The following RAP1GAP2 variants were observed in gnomAD, a reference collection of about 807,000 sequenced individuals.
RAP1GAP2 encodes the protein RAP1 GTPase activating protein 2.
Under a neutral mutation model 95.0 loss-of-function variants are expected in RAP1GAP2, and 27 were observed. That is an observed-to-expected ratio of 0.28 (90% CI 0.21 to 0.39). The LOEUF (loss-of-function observed/expected upper bound fraction) is 0.39, where lower values mean the gene tolerates loss of function less well. RAP1GAP2 is among the 10% of genes least tolerant of loss of function. RAP1GAP2 has a pLI of 1.00. For missense variants in RAP1GAP2, 771 were observed against 970.0 expected (o/e 0.79, Z 2.72); for synonymous variants, 373 against 380.9 (o/e 0.98, Z 0.24).
chr17:2,944,920 C>G (rs1320182544), intron 3 of RAP1GAP2, among the ~76,000 whole-genome samples: 1 of 152,086 alleles, frequency 6.6e-6, no homozygotes, highest in Non-Finnish European at 1.5e-5. Flanking sequence ...TCTTGCTCTG[C>G]CACCCAGGCT....
At chr17:2,788,223 T>C (rs933702857) in intron 1 of RAP1GAP2, among the ~76,000 whole-genome samples, 3 of 152,154 alleles carry the variant, frequency 2.0e-5, no homozygotes, top group Non-Finnish European at 4.4e-5. Context: ...CATATGTATA[T>C]AGGGGTGTGT....
rs551440704 is a variant in RAP1GAP2, at chr17:2,865,552, T to C, written c.81-39732T>C. Among the ~76,000 whole-genome samples, 5 of 152,294 alleles carry C rather than the reference T, an allele frequency of 3.3e-5. No individual in the cohort carries two copies. The South Asian group carries it at 8.3e-4, about 25-fold the overall frequency. ...GTTACCTGTGCCATCTGTATTTTAATAGAACGTCTATTTTAATAAGATCTT... is the reference window on the plus strand; with the variant it reads ...GTTACCTGTGCCATCTGTATTTTAACAGAACGTCTATTTTAATAAGATCTT... On this transcript the variant is annotated intron_variant, in intron 2 of 24. Coordinates refer to ENST00000254695, the MANE Select transcript of RAP1GAP2 (RefSeq NM_015085.5).
chr17:2,933,254 G>A (rs2043212362), intron 3 of RAP1GAP2, among the ~76,000 whole-genome samples: 1 of 152,332 alleles, frequency 6.6e-6, no homozygotes, highest in South Asian at 2.1e-4. Flanking sequence ...GGGGCCAGCT[G>A]TGCCTCTTGA....
intron 2 of RAP1GAP2, among the ~76,000 whole-genome samples, chr17:2,833,769 C>G (rs1422038025): frequency 6.6e-6 from 1 of 151,164 alleles, no homozygotes; most frequent in African/African-American, 2.4e-5. Context: ...AAGTGTTTCT[C>G]TAGACTTGAG....
chr17:2,901,663 G>A (rs1044868295), intron 2 of RAP1GAP2, among the ~76,000 whole-genome samples: 2 of 151,796 alleles, frequency 1.3e-5, no homozygotes, highest in African/African-American at 4.8e-5. Context: ...TCACCTCCTC[G>A]TGTGTGATAT....
chr17:3,032,959 C>T (rs546632714), intron 24 of RAP1GAP2: 25 of 166,652 alleles, frequency 1.5e-4, no homozygotes, highest in African/African-American at 5.0e-4. Flanking sequence ...GGGTCCAGCT[C>T]GCCCCCATCA....
upstream of RAP1GAP2, among the ~76,000 whole-genome samples, chr17:2,792,755 G>A (rs187447951): frequency 5.5e-3 from 844 of 152,358 alleles, 3 homozygotes; most frequent in African/African-American, 0.019. Flanking sequence ...CACACCCCCC[G>A]GTGGGGGAAA....
chr17:2,847,598 C>T (rs945740393), intron 2 of RAP1GAP2, among the ~76,000 whole-genome samples: 6 of 152,176 alleles, frequency 3.9e-5, no homozygotes, highest in Admixed American at 6.5e-5. Context: ...TGCTGGTTCT[C>T]GCTTTGAAAG....
intron 2 of RAP1GAP2, among the ~76,000 whole-genome samples, chr17:2,863,809 C>T (rs140595846): frequency 1.9e-4 from 29 of 152,248 alleles, no homozygotes; most frequent in South Asian, 8.3e-4. Flanking sequence ...GTAATCCCAG[C>T]GCCTTGGGAG....
intron 3 of RAP1GAP2, among the ~76,000 whole-genome samples, chr17:2,924,019 T>G (rs1386604452): frequency 6.6e-6 from 1 of 152,248 alleles, no homozygotes; most frequent in African/African-American, 2.4e-5. Context: ...GTTTCCTCTC[T>G]GTAAGAGATA....
At chr17:2,977,123 C>CAA (rs71377561) in intron 8 of RAP1GAP2, among the ~76,000 whole-genome samples, 7 of 77,634 alleles carry the variant, frequency 9.0e-5, no homozygotes, top group African/African-American at 1.5e-4. Context: ...AACTCCATCT[C>CAA]AAAAAAAAAA....
chr17:2,860,797 G>C (rs1375100087), intron 2 of RAP1GAP2, among the ~76,000 whole-genome samples: 6 of 151,508 alleles, frequency 4.0e-5, no homozygotes, highest in Non-Finnish European at 7.4e-5. Flanking sequence ...GTAGAGATGG[G>C]GTTTCACCAT....
intron 14 of RAP1GAP2, among the ~76,000 whole-genome samples, chr17:3,000,161 C>A (rs1421395282): frequency 6.6e-6 from 1 of 152,188 alleles, no homozygotes; most frequent in African/African-American, 2.4e-5. Context: ...GTTGGCCAGG[C>A]TGGTCTCGAA....
chr17:2,934,080 C>T (rs2043233908), intron 3 of RAP1GAP2, among the ~76,000 whole-genome samples: 1 of 152,264 alleles, frequency 6.6e-6, no homozygotes, highest in African/African-American at 2.4e-5. Context: ...GTCATCCATG[C>T]CTCATCTTTA....
At chr17:2,840,817 G>A (rs1319575505) in intron 2 of RAP1GAP2, among the ~76,000 whole-genome samples, 2 of 152,068 alleles carry the variant, frequency 1.3e-5, no homozygotes, top group Non-Finnish European at 2.9e-5. Context: ...GGCCAATATG[G>A]TGACACCCTG....
At chr17:3,028,842 C>T (rs2151668052) in intron 22 of RAP1GAP2, among the ~76,000 whole-genome samples, 1 of 152,264 alleles carries the variant, frequency 6.6e-6, no homozygotes, top group Admixed American at 6.5e-5. Flanking sequence ...ACTCTGCCAC[C>T]CAGGCTGGAG....
intron 3 of RAP1GAP2, among the ~76,000 whole-genome samples, chr17:2,956,860 A>G (rs931926834): frequency 7.9e-5 from 12 of 152,138 alleles, no homozygotes; most frequent in African/African-American, 1.7e-4. Context: ...TGGGCGTGGT[A>G]GCTCACGCCT....
At chr17:2,930,009 G>T (rs2043091356) in intron 3 of RAP1GAP2, among the ~76,000 whole-genome samples, 1 of 152,208 alleles carries the variant, frequency 6.6e-6, no homozygotes, top group African/African-American at 2.4e-5. Flanking sequence ...TAGCAGTGTG[G>T]CCAAAGGACC....
In RAP1GAP2 at chr17:2,952,575, C is replaced by T. The variant is rs139310009; in HGVS notation, c.166-5184C>T. Among the ~76,000 whole-genome samples, 534 of 152,302 alleles carry T rather than the reference C, an allele frequency of 3.5e-3. 4 individuals carry two copies. The highest frequency in any genetic ancestry group is 0.012 in the African/African-American group (483 of 41,570). On this transcript the variant is annotated intron_variant, in intron 3 of 24. Coordinates refer to ENST00000254695, the MANE Select transcript of RAP1GAP2 (RefSeq NM_015085.5). ...AGGTGTGCACTCAGCAGAGTTCCTG[C>T]AGCCCGGGGCCTGCAGACTGGACAC...
Sources: allele counts gnomAD v4.1 joint callset (sites outside exome capture counted in the v4.1 genomes callset), GRCh38; gene constraint gnomAD v4.1.1; transcripts MANE v1.5; gene names NCBI Gene and HGNC (gene_info 2026-07-23, HGNC 2026-07-21).